RANBP9: variants seen among roughly 807,000 people sequenced by gnomAD.
RANBP9 encodes ran-binding protein 9.
RANBP9 carries 15 observed loss-of-function variants against 84.3 expected under a neutral mutation model. That is an observed-to-expected ratio of 0.18 (90% confidence interval 0.12 to 0.27). The LOEUF is 0.27. RANBP9 is among the 10% of genes least tolerant of loss of function. The pLI is 1.00. For synonymous variants in RANBP9, 392 were observed against 349.6 expected (o/e 1.12, Z -1.35); for missense variants, 809 against 912.8 (o/e 0.89, Z 1.46).
rs918978796 is a variant in RANBP9, at chr6:13,711,278, GGGC to G, written c.225_227del (p.Pro77del). 5.4e-5 allele frequency: 54 copies of G among 991,654 alleles called. No homozygotes were observed. The highest frequency in any genetic ancestry group is 5.0e-4 in the Middle Eastern group (1 of 2,000). 61.4% of individuals were successfully genotyped at this position (991,654 alleles called of 1,614,324 possible). A position where few individuals can be genotyped will look rare whatever the true frequency, so the allele number is the denominator to read the frequency against. ...GGGGCGGCGGGGCCGCGGTGGCCGGGGGCGGCGGCGGCGGAGGGTGGAGGAGCA... is the reference window on the plus strand; with the variant it reads ...GGGGCGGCGGGGCCGCGGTGGCCGGGGGCGGCGGCGGAGGGTGGAGGAGCA... On this transcript the variant is annotated inframe_deletion, in exon 1 of 14. Coordinates refer to ENST00000011619, the MANE Select transcript of RANBP9 (RefSeq NM_005493.3).
intron 2 of RANBP9, among the ~76,000 whole-genome samples, chr6:13,665,484 A>C (rs972868329): frequency 1.3e-5 from 2 of 152,172 alleles, no homozygotes; most frequent in Non-Finnish European, 2.9e-5. Flanking sequence ...TAAAACCAAC[A>C]AGATCAGTGT....
At chr6:13,671,069 A>C (rs1765769844) in intron 2 of RANBP9, among the ~76,000 whole-genome samples, 1 of 152,152 alleles carries the variant, frequency 6.6e-6, no homozygotes, top group Non-Finnish European at 1.5e-5. Flanking sequence ...AGCAAGTAAA[A>C]CTATGTTAAT....
chr6:13,702,269 C>A (rs1292834116), intron 1 of RANBP9, among the ~76,000 whole-genome samples: 2 of 152,114 alleles, frequency 1.3e-5, no homozygotes, highest in Admixed American at 1.3e-4. Flanking sequence ...ATGGTGAAAT[C>A]CCATCTCTAC....
chr6:13,663,480 T>C (rs768812409), intron 2 of RANBP9, among the ~76,000 whole-genome samples: 12 of 152,168 alleles, frequency 7.9e-5, no homozygotes, highest in Non-Finnish European at 1.6e-4. Flanking sequence ...ATGTATTGTG[T>C]AGTTTATAAC....
chr6:13,699,450 ATC>A, intron 1 of RANBP9, among the ~76,000 whole-genome samples: 1 of 152,358 alleles, frequency 6.6e-6, no homozygotes, highest in Admixed American at 6.5e-5. Context: ...AGTATCCCTT[ATC>A]TGACATGCTT....
At chr6:13,644,136 A>G (rs1395685787) in intron 6 of RANBP9, among the ~76,000 whole-genome samples, 1 of 152,212 alleles carries the variant, frequency 6.6e-6, no homozygotes, top group Non-Finnish European at 1.5e-5. Context: ...AGCCAAGTTC[A>G]TGACCAAAAA....
At chr6:13,643,848 G>T (rs1013415129) in intron 6 of RANBP9, among the ~76,000 whole-genome samples, 1 of 152,128 alleles carries the variant, frequency 6.6e-6, no homozygotes, top group African/African-American at 2.4e-5. Context: ...CTCCAGGGAC[G>T]AAGTGTGATT....
intron 2 of RANBP9, among the ~76,000 whole-genome samples, chr6:13,692,530 A>AAC (rs1766348698): frequency 7.1e-6 from 1 of 141,336 alleles, no homozygotes; most frequent in Non-Finnish European, 1.5e-5. Flanking sequence ...TCCGTCTCAA[A>AAC]AAAAAAAAAA....
chr6:13,655,141 T>A (rs1765370857), intron 4 of RANBP9, among the ~76,000 whole-genome samples: 1 of 152,262 alleles, frequency 6.6e-6, no homozygotes, highest in Non-Finnish European at 1.5e-5. Context: ...TCATTAAATT[T>A]AAGAATGAAT....
intron 5 of RANBP9, among the ~76,000 whole-genome samples, chr6:13,647,763 A>T (rs1334942467): frequency 1.3e-5 from 2 of 152,158 alleles, no homozygotes; most frequent in Admixed American, 6.5e-5. Context: ...GATATTGATT[A>T]AAAAAACTTT....
At chr6:13,661,257 C>A (rs1765533019) in intron 2 of RANBP9, among the ~76,000 whole-genome samples, 1 of 152,112 alleles carries the variant, frequency 6.6e-6, no homozygotes. Context: ...ACAGAACCTG[C>A]AATACTCTCA....
intron 1 of RANBP9, among the ~76,000 whole-genome samples, chr6:13,703,598 T>A (rs147015408): frequency 0.017 from 2,610 of 152,334 alleles, 80 homozygotes; most frequent in African/African-American, 0.059. Flanking sequence ...ATAGTCTGTA[T>A]TGAAAAGCTC....
intron 2 of RANBP9, among the ~76,000 whole-genome samples, chr6:13,660,564 T>C (rs1169066632): frequency 1.3e-5 from 2 of 152,164 alleles, no homozygotes; most frequent in Non-Finnish European, 2.9e-5. Flanking sequence ...TCTAAAATGA[T>C]GTAGACACAC....
At chr6:13,670,632 C>T (rs11970591) in intron 2 of RANBP9, among the ~76,000 whole-genome samples, 61,034 of 151,204 alleles carry the variant, frequency 0.4, 12,761 homozygotes, top group Admixed American at 0.51. Context: ...CCGTCTCTAC[C>T]AAAAATACAA....
intron 6 of RANBP9, among the ~76,000 whole-genome samples, chr6:13,643,439 G>T (rs1040077896): frequency 1.1e-4 from 16 of 152,162 alleles, no homozygotes; most frequent in Non-Finnish European, 2.1e-4. Context: ...GGAAGCAGTG[G>T]TTCACCACAG....
intron 12 of RANBP9, among the ~76,000 whole-genome samples, chr6:13,628,052 A>C (rs1270710504): frequency 6.6e-6 from 1 of 152,222 alleles, no homozygotes; most frequent in Non-Finnish European, 1.5e-5. Context: ...CGTATTGTGC[A>C]CTAATATTGT....
At chr6:13,676,714 C>CA (rs903293354) in intron 2 of RANBP9, among the ~76,000 whole-genome samples, 33 of 151,356 alleles carry the variant, frequency 2.2e-4, no homozygotes, top group East Asian at 9.7e-4. Context: ...GCTCAACATT[C>CA]AAAAAAAACA....
At chr6:13,625,569 C>A in intron 13 of RANBP9, 84 bp downstream of exon 13, 2 of 808,850 alleles carry the variant, frequency 2.5e-6, no homozygotes, top group Non-Finnish European at 3.9e-6. Flanking sequence ...ATGATTTTAC[C>A]AAAGTGTAAA....
intron 2 of RANBP9, among the ~76,000 whole-genome samples, chr6:13,677,634 C>A (rs1187342042): frequency 6.6e-6 from 1 of 152,130 alleles, no homozygotes; most frequent in East Asian, 1.9e-4. Flanking sequence ...AAACTCAGGG[C>A]ACTTGTCTAT....
Sources: gnomAD v4.1 joint callset for allele counts (sites outside exome capture counted in the v4.1 genomes callset) on GRCh38, gnomAD v4.1.1 for gene constraint, MANE v1.5 for transcripts, NCBI Gene and HGNC (gene_info 2026-07-23, HGNC 2026-07-21) for gene names.